Variants in RAD54L2 observed in about 807,000 individuals in gnomAD.
The protein encoded by RAD54L2 is RAD54 like 2.
Under a neutral mutation model 138.4 loss-of-function variants are expected in RAD54L2, and 27 were observed. The observed-to-expected ratio is 0.20, with a 90% CI of 0.14 to 0.27. RAD54L2 has a LOEUF of 0.27. Ranked by LOEUF, RAD54L2 falls within the 10% of genes least tolerant of loss-of-function variation. RAD54L2 has a pLI of 1.00. For synonymous variants in RAD54L2, 644 were observed against 723.2 expected (o/e 0.89, Z 1.76); for missense variants, 1,396 against 1,890.2 (o/e 0.74, Z 4.85).
At chr3:51,576,608 T>A (rs907123068) in intron 2 of RAD54L2, among the ~76,000 whole-genome samples, 1 of 152,138 alleles carries the variant, frequency 6.6e-6, no homozygotes, top group Non-Finnish European at 1.5e-5. Flanking sequence ...TTATCCATTT[T>A]TTCTAGATTT....
At chr3:51,617,301 G>A (rs1700466740) in intron 3 of RAD54L2, among the ~76,000 whole-genome samples, 1 of 152,128 alleles carries the variant, frequency 6.6e-6, no homozygotes, top group Non-Finnish European at 1.5e-5. Context: ...AACTGCCAAA[G>A]TGTTTCCCAA....
chr3:51,641,849 C>T lies in RAD54L2; in HGVS notation c.2332C>T (p.Arg778Ter), dbSNP rs773432631. 1 of 1,588,324 alleles carries T rather than the reference C, an allele frequency of 6.3e-7. No homozygotes were observed. The highest frequency in any genetic ancestry group is 8.6e-7 in the Non-Finnish European group (1 of 1,166,652). Reference sequence around the variant, plus strand: ...GGGGCAAGGAGCACAGAAGTGGGTTCGAAACATCAGCTACTTCCGTGAGTT... The same window carrying T: ...GGGGCAAGGAGCACAGAAGTGGGTTTGAAACATCAGCTACTTCCGTGAGTT... Reference protein sequence around the residue: ...TEGQGAQKWVRNISYFRLDGS... With the variant: ...TEGQGAQKWV Residue 778 changes from arginine (R) to a stop codon, truncating the protein, a stop_gained, in exon 15 of 23, where the codon CGA (arginine) becomes TGA (stop). Coordinates refer to ENST00000684192, the MANE Select transcript of RAD54L2 (RefSeq NM_015106.4). LOFTEE classifies it high-confidence loss of function.
Position 51,543,337 on chromosome 3 carries a change from G to A in RAD54L2, c.-55+1687G>A, listed in dbSNP as rs898095558. Among the ~76,000 whole-genome samples the A allele has an allele frequency of 3.3e-5, 5 of 152,220 alleles. No individual in the cohort carries two copies. The South Asian group carries it at 8.3e-4, about 25-fold the overall frequency. On this transcript the variant is annotated intron_variant, in intron 2 of 22. Transcript: ENST00000684192. ...ATAAGAGTAAGTAATGGCCAGGCGCGGTGGCTCACGCCTGTAATGCCAGCA... is the reference window on the plus strand; with the variant it reads ...ATAAGAGTAAGTAATGGCCAGGCGCAGTGGCTCACGCCTGTAATGCCAGCA...
chr3:51,576,693 GT>G (rs1432416613), intron 2 of RAD54L2, among the ~76,000 whole-genome samples: 4 of 151,906 alleles, frequency 2.6e-5, no homozygotes, highest in Non-Finnish European at 5.9e-5. Flanking sequence ...CGGTGGTGAT[GT>G]TCCCTTTATC....
rs1437164379 is a variant in RAD54L2 at position 51,662,203 on chromosome 3, T to A, written c.3410-223T>A. On this transcript the variant is annotated intron_variant, in intron 22 of 22. Transcript: ENST00000684192. The surrounding 1 kb of genome is among the most constrained non-coding windows in gnomAD (Gnocchi z 4.6). ...GGTATAGTTTTACAGTTTGGGGAAC[T>A]GGGGTGCAGAAAAGTTACATGCCTT... Among the ~76,000 whole-genome samples, 1 of 152,214 alleles carries A rather than the reference T, an allele frequency of 6.6e-6. No homozygotes were observed. The highest frequency in any genetic ancestry group is 3.2e-3 in the Middle Eastern group (1 of 316).
At position 51,638,175 on chromosome 3, in the gene RAD54L2, C is replaced by G; in HGVS notation, c.1714C>G (p.Pro572Ala). The change falls in exon 12 of 23, where the codon CCT becomes GCT. Residue 572 changes from proline (P) to alanine (A), a missense_variant. Pro to Ala is a conservative substitution (Grantham distance 27). Transcript: ENST00000684192. The surrounding 1 kb of genome is among the most constrained non-coding windows in gnomAD (Gnocchi z 4.3). ...CCACACTGTGCTGAAGATTCATCTC[C>G]CTGCCAAGGAAGAAAATGTGATCCT... Reference protein sequence around the residue: ...RGHTVLKIHLPAKEENVILVR... With the variant: ...RGHTVLKIHLAAKEENVILVR... 1 of 1,613,982 alleles carries G rather than the reference C, an allele frequency of 6.2e-7. No individual in the cohort carries two copies. Among genetic ancestry groups the G allele is most frequent in the South Asian group, 1.1e-5 (1 of 91,084 alleles).
chr3:51,593,294 A>G (rs1178119734), intron 3 of RAD54L2, among the ~76,000 whole-genome samples: 1 of 151,442 alleles, frequency 6.6e-6, no homozygotes, highest in Non-Finnish European at 1.5e-5. Flanking sequence ...GATCTGAGAA[A>G]CCATTTCACA....
At chr3:51,606,278 C>T (rs1408609059) in intron 3 of RAD54L2, among the ~76,000 whole-genome samples, 1 of 152,158 alleles carries the variant, frequency 6.6e-6, no homozygotes, top group Non-Finnish European at 1.5e-5. Context: ...ACACTGTCTG[C>T]ATTGTGGGTT....
At chr3:51,639,120 C>A in intron 12 of RAD54L2, 1 of 398,352 alleles carries the variant, frequency 2.5e-6, no homozygotes. Flanking sequence ...CATTCTTACT[C>A]TTATTTGAAT....
intron 15 of RAD54L2, among the ~76,000 whole-genome samples, chr3:51,643,226 G>A (rs1701184830): frequency 6.6e-6 from 1 of 152,038 alleles, no homozygotes; most frequent in Non-Finnish European, 1.5e-5. Context: ...GTAGAGACGG[G>A]GTTTCACCAT....
At position 51,665,298 on chromosome 3, in the gene RAD54L2, A is replaced by G. The variant is rs1294342338; in HGVS notation, c.*1878A>G. 6.6e-6 allele frequency: 1 copy of G among 152,034 alleles called. No individual in the cohort carries two copies. The highest frequency in any genetic ancestry group is 1.5e-5 in the Non-Finnish European group (1 of 68,030). The allele number at this position is 152,034 out of a possible 1,614,324, so 9.4% of individuals were successfully genotyped here. The stretch of plus-strand genomic sequence containing the variant: ...TGGTGTACCTGCCTCTTCCCAGCCC[A>G]GAAGGCAGCTTAGTCAGGTCATCCC... On this transcript the variant is annotated 3_prime_UTR_variant, in exon 23 of 23. Coordinates refer to ENST00000684192, the MANE Select transcript of RAD54L2 (RefSeq NM_015106.4).
At chr3:51,650,378 G>A (rs567217881) in intron 19 of RAD54L2, among the ~76,000 whole-genome samples, 1 of 152,284 alleles carries the variant, frequency 6.6e-6, no homozygotes, top group African/African-American at 2.4e-5. Flanking sequence ...ACAGATCAAC[G>A]AGACAGAAGG....
At chr3:51,652,256 A>G (rs999676247) in intron 19 of RAD54L2, among the ~76,000 whole-genome samples, 2 of 152,320 alleles carry the variant, frequency 1.3e-5, no homozygotes, top group East Asian at 1.9e-4. Flanking sequence ...AAGGAGAACT[A>G]TAAACCACTG....
At chr3:51,644,989 T>A in intron 16 of RAD54L2, 35 bp from the exon 17 acceptor site, 1 of 1,610,210 alleles carries the variant, frequency 6.2e-7, no homozygotes, top group Non-Finnish European at 8.5e-7. Context: ...TTTTTAAGAC[T>A]AAAGGCTCTG....
At chr3:51,640,738 C>T (rs2106816938) in intron 14 of RAD54L2, among the ~76,000 whole-genome samples, 1 of 152,326 alleles carries the variant, frequency 6.6e-6, no homozygotes, top group East Asian at 1.9e-4. Context: ...ATCTTGGAAG[C>T]AGTCGAGTGA....
intron 1 of RAD54L2, among the ~76,000 whole-genome samples, chr3:51,539,891 T>C (rs1698508198): frequency 6.6e-6 from 1 of 152,166 alleles, no homozygotes; most frequent in Non-Finnish European, 1.5e-5. Context: ...ATGAGTTTGT[T>C]CCCACGTAGA....
chr3:51,630,813 A>T lies in RAD54L2; in HGVS notation c.707A>T (p.Asn236Ile). The T allele has an allele frequency of 1.2e-6, 2 of 1,613,916 alleles. No individual in the cohort carries two copies. Among genetic ancestry groups the T allele is most frequent in the East Asian group, 2.2e-5 (1 of 44,888 alleles). Residue 236 changes from asparagine to isoleucine, a missense_variant, in exon 7 of 23, where the codon AAT becomes ATT. By Grantham distance (149) the Asn-to-Ile change is moderately radical. This residue lies in a region of RAD54L2 where 256 missense variants were observed against 344.6 expected (regional missense o/e 0.74). Transcript: ENST00000684192. Reference sequence around the variant, plus strand: ...GAAGAGAAGGGTGGCACCCATGTCAATGATGTCTTAAACCAGCGTGACGCC... The same window carrying T: ...GAAGAGAAGGGTGGCACCCATGTCATTGATGTCTTAAACCAGCGTGACGCC... ...EEEEKGGTHV[N>I]DVLNQRDALG...
rs528188392 is a variant in RAD54L2 at position 51,570,300 on chromosome 3, C to T, written c.-54-20067C>T. ...CTGGGATTACAGGTGCCCGCCACCA[C>T]GCCTGGCTAACTTTTGTATTTTTAG... On this transcript the variant is annotated intron_variant, in intron 2 of 22. Coordinates refer to ENST00000684192, the MANE Select transcript of RAD54L2 (RefSeq NM_015106.4). Among the ~76,000 whole-genome samples, 88 of 150,418 alleles carry T rather than the reference C, an allele frequency of 5.9e-4. 1 individual carries two copies. Among genetic ancestry groups the T allele is most frequent in the Non-Finnish European group, 7.5e-4 (51 of 67,654 alleles).
chr3:51,637,161 A>G lies in RAD54L2; in HGVS notation c.1340A>G (p.Glu447Gly). The G allele has an allele frequency of 6.3e-7, 1 of 1,576,238 alleles. No homozygotes were observed. Among genetic ancestry groups the G allele is most frequent in the Non-Finnish European group, 8.6e-7 (1 of 1,160,654 alleles). Residue 447 changes from glutamate (E) to glycine (G), a missense_variant and splice_region_variant, in exon 11 of 23, where the codon GAG (glutamate) becomes GGG (glycine). By Grantham distance (98) the Glu-to-Gly change is moderately conservative. Transcript: ENST00000684192. The surrounding 1 kb of genome is among the most constrained non-coding windows in gnomAD (Gnocchi z 5.9). ...ACTCCGGATCCTCTTCCCTCCCTAG[A>G]GTTTGAGAAGGCTTTATGCCGCCCT... is the stretch of plus-strand genomic sequence containing the variant. ...EEDRQQEFRREFEKALCRPGP... is the reference protein window; with the variant it reads ...EEDRQQEFRRGFEKALCRPGP...
Sources: gnomAD v4.1 joint callset for allele counts (sites outside exome capture counted in the v4.1 genomes callset) on GRCh38, gnomAD v4.1.1 for gene constraint, gnomAD v4.1.1 regional missense constraint, Gnocchi (gnomAD v3.1) non-coding constraint, MANE v1.5 for transcripts, NCBI Gene and HGNC (gene_info 2026-07-23, HGNC 2026-07-21) for gene names.